The following GALNT9 variants were observed in gnomAD, a reference collection of about 807,000 sequenced individuals.
GALNT9 encodes the protein GalNAc transferase 9.
GALNT9 carries 47 observed loss-of-function variants against 63.1 expected under a neutral mutation model. The observed-to-expected ratio is 0.75, with a 90% confidence interval of 0.59 to 0.95. GALNT9 has a LOEUF of 0.95. Among genes scored for constraint, GALNT9 ranks in the 40% least tolerant of loss-of-function variants. The pLI, the probability that GALNT9 is intolerant of heterozygous loss-of-function variation, is 0.00. For missense variants in GALNT9, 829 were observed against 874.8 expected (o/e 0.95, Z 0.66); for synonymous variants, 396 against 365.7 (o/e 1.08, Z -0.94).
At position 132,196,968 on chromosome 12, in the gene GALNT9, C is replaced by A; in HGVS notation, c.*139G>T. The A allele has an allele frequency of 6.7e-7, 1 of 1,496,572 alleles. No homozygotes were observed. 92.7% of individuals were successfully genotyped at this position (1,496,572 alleles called of 1,614,324 possible). On this transcript the variant is annotated 3_prime_UTR_variant, in exon 11 of 11. Transcript: ENST00000328957. ...ACACCCTGGTCACTCAGCCACACCC[C>A]GGCCCCTCAGCCTCTGCTGTCCTGG...
At chr12:132,227,494 A>G (rs1352167586) in intron 6 of GALNT9, among the ~76,000 whole-genome samples, 1 of 152,250 alleles carries the variant, frequency 6.6e-6, no homozygotes, top group Non-Finnish European at 1.5e-5. Context: ...GACGGGCTCC[A>G]GCGAGGTGCA....
intron 1 of GALNT9, among the ~76,000 whole-genome samples, chr12:132,323,718 C>T (rs921442055): frequency 6.6e-6 from 1 of 152,262 alleles, no homozygotes; most frequent in South Asian, 2.1e-4. Flanking sequence ...GCCTCATCGT[C>T]GGAGTCAGAG....
intron 6 of GALNT9, among the ~76,000 whole-genome samples, chr12:132,224,945 C>A (rs936223547): frequency 6.7e-6 from 1 of 149,076 alleles, no homozygotes. Context: ...CAACCCACAC[C>A]CCACACACTG....
intron 5 of GALNT9, among the ~76,000 whole-genome samples, chr12:132,250,897 C>T (rs533740829): frequency 3.3e-5 from 5 of 152,334 alleles, no homozygotes; most frequent in Middle Eastern, 3.4e-3. Context: ...CGGAGGCCTG[C>T]GGTGGACCTG....
chr12:132,229,149 T>G (rs1877805657), intron 6 of GALNT9, among the ~76,000 whole-genome samples: 1 of 152,194 alleles, frequency 6.6e-6, no homozygotes, highest in Non-Finnish European at 1.5e-5. Flanking sequence ...CCAATCCCTC[T>G]GCTGGAACAC....
At chr12:132,215,877 G>A (rs1392722938) in intron 6 of GALNT9, among the ~76,000 whole-genome samples, 1 of 152,216 alleles carries the variant, frequency 6.6e-6, no homozygotes, top group African/African-American at 2.4e-5. Context: ...GGGTGAGGGG[G>A]CGGAGAGTAG....
rs540737824 is a variant in GALNT9, at chr12:132,308,930, A to G, written c.238+20036T>C. Among the ~76,000 whole-genome samples, 335 of 152,218 alleles carry G rather than the reference A, an allele frequency of 2.2e-3. 2 individuals are homozygous for G. The highest frequency in any genetic ancestry group is 7.8e-3 in the African/African-American group (324 of 41,534). ...CGGGGCTCGGGATGGCCGCACTGTG[A>G]CTTCCGTGCCTGAGAAGGCAGGAGG... On this transcript the variant is annotated intron_variant, in intron 1 of 10. Coordinates refer to ENST00000328957, the MANE Select transcript of GALNT9 (RefSeq NM_001122636.2).
intron 5 of GALNT9, among the ~76,000 whole-genome samples, chr12:132,254,912 T>C (rs1412208173): frequency 6.6e-6 from 1 of 152,162 alleles, no homozygotes. Flanking sequence ...CTCTGCTCTG[T>C]CCGAGGGAGC....
At chr12:132,262,405 C>T (rs1879428241) in intron 3 of GALNT9, 54 bp downstream of exon 3, 4 of 1,515,196 alleles carry the variant, frequency 2.6e-6, no homozygotes, top group South Asian at 1.3e-5. Flanking sequence ...CCCAACTCAA[C>T]CCAGCCACAG....
chr12:132,201,061 C>CGTGTGCAGGAGT (rs1876045389), intron 8 of GALNT9, 63 bp downstream of exon 8: 3 of 1,476,232 alleles, frequency 2.0e-6, no homozygotes, highest in African/African-American at 2.8e-5. Context: ...TGAATGCATA[C>CGTGTGCAGGAGT]GTGTGCAGGA....
intron 6 of GALNT9, among the ~76,000 whole-genome samples, chr12:132,227,079 G>A (rs1288244290): frequency 6.6e-6 from 1 of 152,000 alleles, no homozygotes; most frequent in African/African-American, 2.4e-5. Context: ...TTGGGAGGAG[G>A]GAGGTGAATT....
At chr12:132,312,014 C>T (rs540298489) in intron 1 of GALNT9, among the ~76,000 whole-genome samples, 1 of 152,274 alleles carries the variant, frequency 6.6e-6, no homozygotes, top group South Asian at 2.1e-4. Context: ...CTCTCTCTCC[C>T]AGCTTCAATT....
chr12:132,321,087 G>A (rs992724716), intron 1 of GALNT9, among the ~76,000 whole-genome samples: 18 of 152,276 alleles, frequency 1.2e-4, no homozygotes, highest in African/African-American at 3.4e-4. Context: ...GGAGCCAAAC[G>A]CTGCTCAACA....
At chr12:132,216,938 CTG>C (rs1225449945) in intron 6 of GALNT9, among the ~76,000 whole-genome samples, 1 of 152,218 alleles carries the variant, frequency 6.6e-6, no homozygotes, top group African/African-American at 2.4e-5. Flanking sequence ...GTGTGACGAA[CTG>C]TGTGTTTCCT....
In GALNT9 at chr12:132,328,228, T is replaced by C. The variant is rs868919319; in HGVS notation, c.238+738A>G. On this transcript the variant is annotated intron_variant, in intron 1 of 10. Coordinates refer to ENST00000328957, the MANE Select transcript of GALNT9 (RefSeq NM_001122636.2). The stretch of plus-strand genomic sequence containing the variant: ...GTGATGCCGGTGCTGCTCCTCGGGC[T>C]GACCTACGTCCGCTCGTGATGAAAC... Among the ~76,000 whole-genome samples, 34 of 152,302 alleles carry C rather than the reference T, an allele frequency of 2.2e-4. No individual in the cohort carries two copies. The Middle Eastern group carries it at 0.01, about 46-fold the overall frequency.
chr12:132,288,651 C>G (rs890217233), intron 1 of GALNT9, among the ~76,000 whole-genome samples: 1 of 151,786 alleles, frequency 6.6e-6, no homozygotes, highest in Non-Finnish European at 1.5e-5. Flanking sequence ...GGTGGCTGAG[C>G]GTGGTTCCGG....
chr12:132,229,335 C>T (rs887528100), intron 6 of GALNT9, among the ~76,000 whole-genome samples: 2 of 152,254 alleles, frequency 1.3e-5, no homozygotes, highest in South Asian at 2.1e-4. Flanking sequence ...CTGCTTTGCT[C>T]TCTGTGGAAC....
rs1444030107 is a variant in GALNT9 at position 132,245,973 on chromosome 12, C to T, written c.1077+1937G>A. 1.3e-5 allele frequency among the ~76,000 whole-genome samples: 2 copies of T among 152,222 alleles called. No individual in the cohort carries two copies. The highest frequency in any genetic ancestry group is 2.4e-5 in the African/African-American group (1 of 41,454). On this transcript the variant is annotated intron_variant, in intron 6 of 10. Transcript: ENST00000328957. This position sits in a 1 kb window ranked among gnomAD's most constrained non-coding sequence, Gnocchi z 6.3. ...GTGGTGGCTGCGCACTGCCGGTCCC[C>T]GGCACCCTCCCCAGGCTGTCCTCCT...
At chr12:132,326,715 G>A (rs1265189371) in intron 1 of GALNT9, among the ~76,000 whole-genome samples, 9 of 152,242 alleles carry the variant, frequency 5.9e-5, no homozygotes, top group African/African-American at 2.2e-4. Flanking sequence ...GGATGGATTA[G>A]TATCGAGTGG....
Sources: gnomAD v4.1 joint callset for allele counts (sites outside exome capture counted in the v4.1 genomes callset) on GRCh38, gnomAD v4.1.1 for gene constraint, Gnocchi (gnomAD v3.1) non-coding constraint, MANE v1.5 for transcripts, NCBI Gene and HGNC (gene_info 2026-07-23, HGNC 2026-07-21) for gene names.